The following RFTN1 variants were observed in gnomAD, a reference collection of about 807,000 sequenced individuals.
The protein encoded by RFTN1 is raftlin, lipid raft linker 1.
A neutral mutation model predicts 46.5 loss-of-function variants in RFTN1; 26 were observed. The observed-to-expected ratio is 0.56, with a 90% CI of 0.41 to 0.78. The LOEUF is 0.78. Ranked by LOEUF, RFTN1 falls within the 30% of genes least tolerant of loss-of-function variation. The pLI, the probability that RFTN1 is intolerant of heterozygous loss-of-function variation, is 0.00. For synonymous variants in RFTN1, 261 were observed against 284.2 expected, an observed-to-expected ratio of 0.92 and a Z score of 0.82; for missense variants, 693 against 718.7, an observed-to-expected ratio of 0.96 and a Z score of 0.41.
At chr3:16,412,126 A>C (rs368484676) in intron 3 of RFTN1, among the ~76,000 whole-genome samples, 5 of 152,342 alleles carry the variant, frequency 3.3e-5, no homozygotes, top group African/African-American at 1.2e-4. Context: ...AGGCATTACA[A>C]ATTTTTTAGA....
rs118158467 is a variant in RFTN1 at position 16,356,528 on chromosome 3, C to T, written c.1146+1404G>A. Among the ~76,000 whole-genome samples, 7 of 152,328 alleles carry T rather than the reference C, an allele frequency of 4.6e-5. No individual in the cohort carries two copies. In the East Asian group the frequency reaches 1.3e-3, roughly 29 times the overall value. ...AGCCTTGCTCCTCACTTCACGTGTG[C>T]TGGGAACTGCTGCAGCTTCAAAGCT... On this transcript the variant is annotated intron_variant, in intron 7 of 9. Transcript: ENST00000334133. The surrounding 1 kb of genome is among the most constrained non-coding windows in gnomAD (Gnocchi z 4.9).
intron 3 of RFTN1, chr3:16,416,082 C>A: frequency 3.4e-6 from 1 of 293,230 alleles, no homozygotes; most frequent in South Asian, 2.9e-5. Context: ...GAGCTCTGAC[C>A]CATCTTACAT....
At position 16,339,592 on chromosome 3, in the gene RFTN1, A is replaced by G. The variant is rs370939528; in HGVS notation, c.1147-12716T>C. On this transcript the variant is annotated intron_variant, in intron 7 of 9. Coordinates refer to ENST00000334133, the MANE Select transcript of RFTN1 (RefSeq NM_015150.2). ...ACTGAGACCTACCACGGGACAAACC[A>G]ATGATGAAAAACCCAAAGTCCAGAA... 13 of 152,314 alleles carry G rather than the reference A, an allele frequency of 8.5e-5. No individual in the cohort carries two copies. The East Asian group carries it at 2.3e-3, about 27-fold the overall frequency. 9.4% of individuals were successfully genotyped at this position (152,314 alleles called of 1,614,324 possible).
At chr3:16,478,808 C>T (rs1471603351) in intron 2 of RFTN1, among the ~76,000 whole-genome samples, 2 of 152,238 alleles carry the variant, frequency 1.3e-5, no homozygotes, top group Non-Finnish European at 2.9e-5. Context: ...CAGGAAGCCT[C>T]CCTCAGTTCC....
chr3:16,475,935 G>A lies in RFTN1; in HGVS notation c.145+17790C>T, dbSNP rs1182419482. On this transcript the variant is annotated intron_variant, in intron 2 of 9. Coordinates refer to ENST00000334133, the MANE Select transcript of RFTN1 (RefSeq NM_015150.2). The surrounding 1 kb of genome is among the most constrained non-coding windows in gnomAD (Gnocchi z 4.2). ...GACACCATGCCAACTGGGACTTTTT[G>A]TCTTCCCTTAAGAGTGTGAATACTG... 6.6e-6 allele frequency among the ~76,000 whole-genome samples: 1 copy of A among 152,216 alleles called. No homozygotes were observed. Among genetic ancestry groups the A allele is most frequent in the Non-Finnish European group, 1.5e-5 (1 of 68,040 alleles).
At chr3:16,354,421 C>T (rs549410780) in intron 7 of RFTN1, among the ~76,000 whole-genome samples, 81 of 152,370 alleles carry the variant, frequency 5.3e-4, no homozygotes, top group Non-Finnish European at 6.6e-4. Flanking sequence ...GTTAGCCTGA[C>T]TGCGTGGAGC....
At chr3:16,434,115 G>T (rs2075450102) in intron 2 of RFTN1, 78 bp from the exon 3 acceptor site, 1 of 1,272,686 alleles carries the variant, frequency 7.9e-7, no homozygotes, top group Non-Finnish European at 1.1e-6. Flanking sequence ...CTCTTCCCTT[G>T]CCCTCGGGGA....
At position 16,448,057 on chromosome 3, in the gene RFTN1, G is replaced by A. The variant is rs968775921; in HGVS notation, c.146-14020C>T. The stretch of plus-strand genomic sequence containing the variant: ...CATGTGGCTATCGAGCATCTGAAAT[G>A]TGGCCAGTGTGATTGAGATGTGCCC... On this transcript the variant is annotated intron_variant, in intron 2 of 9. Coordinates refer to ENST00000334133, the MANE Select transcript of RFTN1 (RefSeq NM_015150.2). This position sits in a 1 kb window ranked among gnomAD's most constrained non-coding sequence, Gnocchi z 4.1. Among the ~76,000 whole-genome samples the A allele has an allele frequency of 1.3e-5, 2 of 151,454 alleles. No homozygotes were observed. Among genetic ancestry groups the A allele is most frequent in the African/African-American group, 4.9e-5 (2 of 41,154 alleles).
rs1158265644 is a variant in RFTN1 at position 16,457,924 on chromosome 3, C to CA, written c.146-23888dup. 6.6e-6 allele frequency among the ~76,000 whole-genome samples: 1 copy of CA among 152,124 alleles called. No individual in the cohort carries two copies. The highest frequency in any genetic ancestry group is 1.5e-5 in the Non-Finnish European group (1 of 68,038). On this transcript the variant is annotated intron_variant, in intron 2 of 9. Transcript: ENST00000334133. The surrounding 1 kb of genome is among the most constrained non-coding windows in gnomAD (Gnocchi z 4.2). The stretch of plus-strand genomic sequence containing the variant: ...TATCATTATAAAAGGGTTTCACAGA[C>CA]AGAGTTTGGTCCTTTTTGCCTTCTG...
chr3:16,317,169 G>C lies in RFTN1; in HGVS notation c.1396C>G (p.Leu466Val), dbSNP rs762925671. Residue 466 changes from leucine to valine, a missense_variant, in exon 10 of 10, where the codon CTC becomes GTC. Transcript: ENST00000334133. The surrounding 1 kb of genome is among the most constrained non-coding windows in gnomAD (Gnocchi z 4.3). Reference sequence around the variant, plus strand: ...GCTTGTTGTTTGTCTCTGGCACTGAGTTTACCTTTTGATTTCCTCATCTGC... The same window carrying C: ...GCTTGTTGTTTGTCTCTGGCACTGACTTTACCTTTTGATTTCCTCATCTGC... ...NRQMRKSKGK[L>V]SARDKQQAEE... is the part of the protein sequence containing the mutation. 5 of 1,613,434 alleles carry C rather than the reference G, an allele frequency of 3.1e-6. No homozygotes were observed. The African/African-American group carries it at 5.4e-5, about 17-fold the overall frequency.
rs576946552 is a variant in RFTN1, at chr3:16,344,741, G to A, written c.1146+13191C>T. 1.8e-4 allele frequency among the ~76,000 whole-genome samples: 27 copies of A among 152,222 alleles called. No homozygotes were observed. In the East Asian group the frequency reaches 4.0e-3, roughly 23 times the overall value. On this transcript the variant is annotated intron_variant, in intron 7 of 9. Transcript: ENST00000334133. This position sits in a 1 kb window ranked among gnomAD's most constrained non-coding sequence, Gnocchi z 4.4. ...ATGAAAGCACATCGTTGCCAAGTGC[G>A]GCCTCTCAATCAGTTATACACCACC...
chr3:16,462,584 G>A (rs1054162541), intron 2 of RFTN1, among the ~76,000 whole-genome samples: 1 of 152,240 alleles, frequency 6.6e-6, no homozygotes, highest in Non-Finnish European at 1.5e-5. Context: ...GAGAGCTGCA[G>A]CTACGAGCCA....
rs550220032 is a variant in RFTN1, at chr3:16,348,216, G to T, written c.1146+9716C>A. Among the ~76,000 whole-genome samples, 2 of 152,142 alleles carry T rather than the reference G, an allele frequency of 1.3e-5. No individual in the cohort carries two copies. Among genetic ancestry groups the T allele is most frequent in the Admixed American group, 1.3e-4 (2 of 15,290 alleles). On this transcript the variant is annotated intron_variant, in intron 7 of 9. Transcript: ENST00000334133. The surrounding 1 kb of genome is among the most constrained non-coding windows in gnomAD (Gnocchi z 6.3). ...AGAGGCACAAGTGCTGCCTGTTTGA[G>T]GTGAAAGCATGATGGTAAAAAGGAA...
Position 16,335,961 on chromosome 3 carries a change from C to T in RFTN1, c.1147-9085G>A, listed in dbSNP as rs2125267277. Among the ~76,000 whole-genome samples, 1 of 152,312 alleles carries T rather than the reference C, an allele frequency of 6.6e-6. No individual in the cohort carries two copies. The highest frequency in any genetic ancestry group is 1.9e-4 in the East Asian group (1 of 5,176). ...AGCTGCTAGTGCAGAGGAGGCAGAGCATGCTGGCGCCTTCTCAGGGCTGCC... is the reference window on the plus strand; with the variant it reads ...AGCTGCTAGTGCAGAGGAGGCAGAGTATGCTGGCGCCTTCTCAGGGCTGCC... On this transcript the variant is annotated intron_variant, in intron 7 of 9. Transcript: ENST00000334133. This position sits in a 1 kb window ranked among gnomAD's most constrained non-coding sequence, Gnocchi z 4.7.
chr3:16,358,768 C>CA lies in RFTN1; in HGVS notation c.1031-722dup, dbSNP rs1325896764. Among the ~76,000 whole-genome samples, 4 of 152,108 alleles carry CA rather than the reference C, an allele frequency of 2.6e-5. No homozygotes were observed. In the East Asian group the frequency reaches 7.7e-4, roughly 29 times the overall value. On this transcript the variant is annotated intron_variant, in intron 6 of 9. Transcript: ENST00000334133. Reference sequence around the variant, plus strand: ...ATAGAACAGGCCAGGCGCAGTGGCTCACACCTGTAATCCCAGCACTTTGGG... The same window carrying CA: ...ATAGAACAGGCCAGGCGCAGTGGCTCAACACCTGTAATCCCAGCACTTTGGG...
At chr3:16,368,084 C>A (rs926199241) in intron 6 of RFTN1, among the ~76,000 whole-genome samples, 2 of 147,060 alleles carry the variant, frequency 1.4e-5, no homozygotes, top group African/African-American at 2.5e-5. Flanking sequence ...ATGAAAGGAG[C>A]CACTGTTGCC....
rs1193418739 is a variant in RFTN1, at chr3:16,344,379, TC to T, written c.1146+13552del. On this transcript the variant is annotated intron_variant, in intron 7 of 9. Transcript: ENST00000334133. The surrounding 1 kb of genome is among the most constrained non-coding windows in gnomAD (Gnocchi z 4.4). ...TGCTTCCTATAGGCATCAACTATAATCTAATTTAGAAACAACATGTAAAAAC... is the reference window on the plus strand; with the variant it reads ...TGCTTCCTATAGGCATCAACTATAATTAATTTAGAAACAACATGTAAAAAC... Among the ~76,000 whole-genome samples the T allele has an allele frequency of 2.0e-5, 3 of 151,964 alleles. No individual in the cohort carries two copies. Among genetic ancestry groups the T allele is most frequent in the African/African-American group, 4.8e-5 (2 of 41,340 alleles).
chr3:16,473,147 G>A lies in RFTN1; in HGVS notation c.145+20578C>T, dbSNP rs2076225293. Among the ~76,000 whole-genome samples the A allele has an allele frequency of 6.6e-6, 1 of 152,172 alleles. No homozygotes were observed. Among genetic ancestry groups the A allele is most frequent in the Non-Finnish European group, 1.5e-5 (1 of 68,036 alleles). ...ACACACGTACACACATACACAAACA[G>A]TACTTTCAGTCTGCAATTGCCTGTC... On this transcript the variant is annotated intron_variant, in intron 2 of 9. Coordinates refer to ENST00000334133, the MANE Select transcript of RFTN1 (RefSeq NM_015150.2). This position sits in a 1 kb window ranked among gnomAD's most constrained non-coding sequence, Gnocchi z 5.3.
intron 2 of RFTN1, among the ~76,000 whole-genome samples, chr3:16,467,571 G>T (rs2076120070): frequency 6.6e-6 from 1 of 152,138 alleles, no homozygotes; most frequent in South Asian, 2.1e-4. Context: ...TAAGAGAGTG[G>T]GCAGGGCCTG....
Sources: allele counts gnomAD v4.1 joint callset (sites outside exome capture counted in the v4.1 genomes callset), GRCh38; gene constraint gnomAD v4.1.1; non-coding constraint Gnocchi (gnomAD v3.1); transcripts MANE v1.5; gene names NCBI Gene and HGNC (gene_info 2026-07-23, HGNC 2026-07-21).